Variants in MIER2 observed in about 807,000 individuals in gnomAD.
The protein encoded by MIER2 is MIER family member 2.
A neutral mutation model predicts 67.6 loss-of-function variants in MIER2; 30 were observed. The observed-to-expected ratio is 0.44, with a 90% confidence interval of 0.33 to 0.60. The LOEUF (loss-of-function observed/expected upper bound fraction) is 0.60. Among genes scored for constraint, MIER2 ranks in the 20% least tolerant of loss-of-function variants. MIER2 has a pLI of 0.02. For synonymous variants in MIER2, 372 were observed against 312.6 expected (o/e 1.19, Z -2.00); for missense variants, 702 against 745.1 (o/e 0.94, Z 0.67).
chr19:314,756 A>AC (rs1237511663), intron 7 of MIER2, among the ~76,000 whole-genome samples: 1 of 151,854 alleles, frequency 6.6e-6, no homozygotes, highest in East Asian at 1.9e-4. Context: ...GAAAAAGAAC[A>AC]CCACATACAG....
rs1176346597 is a variant in MIER2 at position 306,849 on chromosome 19, C to T, written c.1617-138G>A. 2.2e-6 allele frequency: 3 copies of T among 1,391,078 alleles called. No homozygotes were observed. The African/African-American group carries it at 4.3e-5, about 20-fold the overall frequency. 86.2% of individuals were successfully genotyped at this position (1,391,078 alleles called of 1,614,324 possible). On this transcript the variant is annotated intron_variant, in intron 13 of 13. Transcript: ENST00000264819. ...CCTATGGCAGCCGGGCCCGGGGTGCCCTGAGGGGAGCTGGTGGCTGGAGCA... is the reference window on the plus strand; with the variant it reads ...CCTATGGCAGCCGGGCCCGGGGTGCTCTGAGGGGAGCTGGTGGCTGGAGCA...
chr19:344,178 G>T (rs1451726513), intron 1 of MIER2: 1 of 985,298 alleles, frequency 1.0e-6, no homozygotes, highest in Non-Finnish European at 1.2e-6. Flanking sequence ...CGCTCTCTAG[G>T]CCCCGGCAGA....
At chr19:341,523 G>A (rs1343011699) in intron 1 of MIER2, among the ~76,000 whole-genome samples, 2 of 152,180 alleles carry the variant, frequency 1.3e-5, no homozygotes, top group African/African-American at 4.8e-5. Context: ...GCGACTCTGA[G>A]TTCCTGGAAC....
chr19:328,290 CAG>C (rs1237785605), intron 3 of MIER2, among the ~76,000 whole-genome samples: 1 of 152,136 alleles, frequency 6.6e-6, no homozygotes, highest in Non-Finnish European at 1.5e-5. Context: ...TGGTGTGACA[CAG>C]GGTGAATTAC....
chr19:335,055 A>C (rs11883060), intron 2 of MIER2, among the ~76,000 whole-genome samples: 29,041 of 152,216 alleles, frequency 0.19, 4,243 homozygotes, highest in African/African-American at 0.4. Context: ...CATGAAGAAG[A>C]CATGCGATGT....
chr19:334,567 T>C, intron 2 of MIER2, 25 bp from the exon 3 acceptor site: 1 of 1,610,268 alleles, frequency 6.2e-7, no homozygotes, highest in Non-Finnish European at 8.5e-7. Context: ...GCAGCCCAGG[T>C]GAGCACCGTG....
At chr19:307,034 C>T in intron 13 of MIER2, 85 bp downstream of exon 13, 1 of 1,450,052 alleles carries the variant, frequency 6.9e-7, no homozygotes, top group Non-Finnish European at 9.2e-7. Flanking sequence ...GGGGCAAATG[C>T]CTCCCACCCT....
chr19:321,554 G>C (rs1251433433), intron 7 of MIER2, among the ~76,000 whole-genome samples: 1 of 151,980 alleles, frequency 6.6e-6, no homozygotes, highest in Admixed American at 6.6e-5. Context: ...CTGAGTGGGA[G>C]AACTGCTTGA....
At chr19:342,843 C>T (rs185555959) in intron 1 of MIER2, among the ~76,000 whole-genome samples, 24 of 152,010 alleles carry the variant, frequency 1.6e-4, no homozygotes, top group Admixed American at 1.4e-3. Context: ...GAAGGGTGAC[C>T]ATTAAACTTC....
intron 1 of MIER2, among the ~76,000 whole-genome samples, chr19:340,007 G>A (rs1972432347): frequency 6.6e-6 from 1 of 152,170 alleles, no homozygotes; most frequent in Non-Finnish European, 1.5e-5. Flanking sequence ...GCCAAAAAGG[G>A]TAGATTAAAA....
chr19:336,974 C>T (rs1600173170), intron 1 of MIER2, among the ~76,000 whole-genome samples: 1 of 152,166 alleles, frequency 6.6e-6, no homozygotes, highest in East Asian at 1.9e-4. Flanking sequence ...TCCCGAGTAG[C>T]TAGGACTACA....
intron 6 of MIER2, 73 bp downstream of exon 6, chr19:326,434 C>T (rs1353949131): frequency 5.9e-6 from 8 of 1,366,504 alleles, no homozygotes; most frequent in African/African-American, 1.5e-5. Flanking sequence ...GAGCCACGGT[C>T]GGGATGCCAG....
intron 10 of MIER2, 87 bp from the exon 11 acceptor site, chr19:309,012 G>GGACGTCCTGGGACCCCA: frequency 6.6e-7 from 1 of 1,526,676 alleles, no homozygotes; most frequent in Non-Finnish European, 8.8e-7. Context: ...CTGGGACCCC[G>GGACGTCCTGGGACCCCA]GGACAGCACA....
chr19:327,295 T>C, intron 4 of MIER2, 39 bp from the exon 5 acceptor site: 1 of 1,562,146 alleles, frequency 6.4e-7, no homozygotes, highest in Non-Finnish European at 8.6e-7. Flanking sequence ...CATTTTACAG[T>C]TTAACAATCT....
At chr19:322,309 G>A (rs1272007124) in intron 7 of MIER2, among the ~76,000 whole-genome samples, 1 of 152,148 alleles carries the variant, frequency 6.6e-6, no homozygotes, top group Non-Finnish European at 1.5e-5. Context: ...CCAAGAGCCT[G>A]AGGTAAGCAA....
At chr19:334,275 G>T in intron 3 of MIER2, 125 bp downstream of exon 3, 1 of 1,373,134 alleles carries the variant, frequency 7.3e-7, no homozygotes, top group Non-Finnish European at 1.0e-6. Flanking sequence ...GACAGCATCT[G>T]GCACTTTGCA....
At chr19:331,170 G>T (rs1240598483) in intron 3 of MIER2, among the ~76,000 whole-genome samples, 1 of 151,782 alleles carries the variant, frequency 6.6e-6, no homozygotes, top group Non-Finnish European at 1.5e-5. Context: ...GACCAGCCTG[G>T]CCAACATGGT....
rs564246749 is a variant in MIER2 at position 308,208 on chromosome 19, G to T, written c.1198+369C>A. Among the ~76,000 whole-genome samples the T allele has an allele frequency of 2.6e-5, 4 of 152,238 alleles. No homozygotes were observed. The highest frequency in any genetic ancestry group is 7.2e-5 in the African/African-American group (3 of 41,534). ...GGTGCAAGATCCTGGCGACGGCTCCGGACACCCTGTCCTTCCTGAGTGTCC... is the reference window on the plus strand; with the variant it reads ...GGTGCAAGATCCTGGCGACGGCTCCTGACACCCTGTCCTTCCTGAGTGTCC... On this transcript the variant is annotated intron_variant, in intron 12 of 13. Transcript: ENST00000264819. This position sits in a 1 kb window ranked among gnomAD's most constrained non-coding sequence, Gnocchi z 9.1.
At chr19:335,217 G>C (rs903080652) in intron 2 of MIER2, among the ~76,000 whole-genome samples, 5 of 152,270 alleles carry the variant, frequency 3.3e-5, no homozygotes, top group African/African-American at 1.2e-4. Flanking sequence ...TCCAGACAGA[G>C]AGCAGTGTAG....
Sources: allele counts gnomAD v4.1 joint callset (sites outside exome capture counted in the v4.1 genomes callset), GRCh38; gene constraint gnomAD v4.1.1; non-coding constraint Gnocchi (gnomAD v3.1); transcripts MANE v1.5; gene names NCBI Gene and HGNC (gene_info 2026-07-23, HGNC 2026-07-21).